NAV2: variants seen among roughly 807,000 people sequenced by gnomAD.
NAV2 encodes helicase, APC down-regulated 1.
A neutral mutation model predicts 223.2 loss-of-function variants in NAV2; 54 were observed. The observed-to-expected ratio is 0.24, with a 90% confidence interval of 0.19 to 0.30. The LOEUF (loss-of-function observed/expected upper bound fraction) is 0.30, where lower values mean the gene tolerates loss of function less well. Among genes scored for constraint, NAV2 ranks in the 10% least tolerant of loss-of-function variants. NAV2 has a pLI of 1.00. For missense variants in NAV2, 2,806 were observed against 3,147.5 expected (o/e 0.89, Z 2.60); for synonymous variants, 1,279 against 1,239.3 (o/e 1.03, Z -0.67).
intron 3 of NAV2, among the ~76,000 whole-genome samples, chr11:19,848,301 T>C (rs2060917390): frequency 6.6e-6 from 1 of 152,146 alleles, no homozygotes; most frequent in Non-Finnish European, 1.5e-5. Flanking sequence ...TAAAAGCTGC[T>C]ATAAGTAGGG....
chr11:19,696,790 C>A (rs940962283), intron 1 of NAV2, among the ~76,000 whole-genome samples: 1 of 152,224 alleles, frequency 6.6e-6, no homozygotes, highest in African/African-American at 2.4e-5. Context: ...CAAAAAGACA[C>A]CTTCTCCACC....
At chr11:20,046,165 C>T (rs2057402603) in intron 14 of NAV2, among the ~76,000 whole-genome samples, 1 of 151,780 alleles carries the variant, frequency 6.6e-6, no homozygotes, top group African/African-American at 2.4e-5. Flanking sequence ...GAAACCCCGT[C>T]TCTACTAAAA....
At chr11:19,723,128 G>C (rs2050907031) in intron 1 of NAV2, among the ~76,000 whole-genome samples, 1 of 152,188 alleles carries the variant, frequency 6.6e-6, no homozygotes, top group Non-Finnish European at 1.5e-5. Context: ...GACCTGAGAA[G>C]GGTTCTGAGG....
At chr11:19,578,577 G>C (rs79607242) in intron 1 of NAV2, among the ~76,000 whole-genome samples, 12,735 of 152,212 alleles carry the variant, frequency 0.084, 1,684 homozygotes, top group African/African-American at 0.28. Flanking sequence ...CAGCCACCAT[G>C]CCCTGGAGGT....
intron 10 of NAV2, among the ~76,000 whole-genome samples, chr11:19,971,196 C>G (rs991035230): frequency 6.6e-6 from 1 of 152,104 alleles, no homozygotes; most frequent in Non-Finnish European, 1.5e-5. Flanking sequence ...GTAGGACACA[C>G]TTTTGCCAAC....
At chr11:20,112,935 C>T (rs2062761221) in intron 36 of NAV2, among the ~76,000 whole-genome samples, 1 of 152,198 alleles carries the variant, frequency 6.6e-6, no homozygotes. Context: ...CGGCAGGATT[C>T]GCGGGAGGGC....
intron 11 of NAV2, among the ~76,000 whole-genome samples, chr11:19,999,308 T>C (rs1474294022): frequency 2.6e-5 from 4 of 152,258 alleles, no homozygotes; most frequent in Non-Finnish European, 4.4e-5. Context: ...GGGTTATTCA[T>C]GTTCAGGAAC....
chr11:19,665,153 A>C (rs778736095), intron 1 of NAV2, among the ~76,000 whole-genome samples: 6 of 152,224 alleles, frequency 3.9e-5, no homozygotes, highest in Non-Finnish European at 8.8e-5. Flanking sequence ...GCAGAGCCTG[A>C]TGCCAAATCA....
At chr11:19,915,821 C>T (rs1565552748) in intron 6 of NAV2, among the ~76,000 whole-genome samples, 1 of 152,182 alleles carries the variant, frequency 6.6e-6, no homozygotes. Context: ...CTCTCCATTG[C>T]CATTACAGGA....
chr11:20,052,825 A>G (rs1202246472), intron 17 of NAV2, among the ~76,000 whole-genome samples: 1 of 152,140 alleles, frequency 6.6e-6, no homozygotes. Context: ...CACTGACAAC[A>G]TCTTTCCTTA....
intron 1 of NAV2, among the ~76,000 whole-genome samples, chr11:19,825,427 TA>T (rs1295098874): frequency 6.7e-6 from 1 of 149,628 alleles, no homozygotes; most frequent in African/African-American, 2.5e-5. Context: ...CCTCAGATGC[TA>T]AACGACTGGT....
chr11:19,444,925 G>T (rs1316189116), intron 1 of NAV2, among the ~76,000 whole-genome samples: 2 of 152,164 alleles, frequency 1.3e-5, no homozygotes, highest in East Asian at 3.9e-4. Flanking sequence ...TATGGGACTT[G>T]GAGAAAGAAA....
At chr11:19,810,222 C>T (rs895608558) in intron 1 of NAV2, among the ~76,000 whole-genome samples, 3 of 152,180 alleles carry the variant, frequency 2.0e-5, no homozygotes, top group African/African-American at 7.2e-5. Context: ...TCAGCTTTGG[C>T]CATTGGGAGC....
chr11:19,644,399 C>G (rs1276826513), intron 1 of NAV2, among the ~76,000 whole-genome samples: 1 of 152,222 alleles, frequency 6.6e-6, no homozygotes, highest in Non-Finnish European at 1.5e-5. Context: ...CTGCGAGAAG[C>G]CTTTGTTCCT....
chr11:20,044,437 A>G (rs938516714), intron 13 of NAV2, 165 bp downstream of exon 13: 6 of 677,434 alleles, frequency 8.9e-6, no homozygotes, highest in African/African-American at 1.8e-5. Context: ...CTAAGTGGAA[A>G]TAAGTAAGCA....
chr11:19,454,433 C>T (rs564006861), intron 1 of NAV2, among the ~76,000 whole-genome samples: 71 of 152,340 alleles, frequency 4.7e-4, no homozygotes, highest in African/African-American at 1.6e-3. Context: ...TCTTCAGGCC[C>T]ATCACCCTGA....
rs990564433 is a variant in NAV2 at position 19,941,043 on chromosome 11, T to C, written c.2146+1270T>C. Among the ~76,000 whole-genome samples the C allele has an allele frequency of 2.6e-5, 4 of 152,182 alleles. No homozygotes were observed. In the East Asian group the frequency reaches 7.7e-4, roughly 29 times the overall value. On this transcript the variant is annotated intron_variant, in intron 8 of 37. Coordinates refer to ENST00000349880, the MANE Select transcript of NAV2 (RefSeq NM_145117.5). The stretch of plus-strand genomic sequence containing the variant: ...GAGGCCAACGCTTCAGATCCCAGCA[T>C]GGTTCAGATGTGTGGCCCGTGGAGC...
chr11:20,076,752 A>G (rs11025378), intron 22 of NAV2, among the ~76,000 whole-genome samples: 50,320 of 152,054 alleles, frequency 0.33, 9,290 homozygotes, highest in African/African-American at 0.49. Flanking sequence ...CCCATTCTTA[A>G]ACTTACTCTT....
At chr11:20,005,750 C>G (rs1477795917) in intron 11 of NAV2, among the ~76,000 whole-genome samples, 1 of 152,200 alleles carries the variant, frequency 6.6e-6, no homozygotes, top group Non-Finnish European at 1.5e-5. Flanking sequence ...GTGTGTCCTT[C>G]ACTTTTCATG....
Sources: gnomAD v4.1 joint callset for allele counts (sites outside exome capture counted in the v4.1 genomes callset) on GRCh38, gnomAD v4.1.1 for gene constraint, MANE v1.5 for transcripts, NCBI Gene and HGNC (gene_info 2026-07-23, HGNC 2026-07-21) for gene names.